The following GPD1L variants were observed in gnomAD, a reference collection of about 807,000 sequenced individuals.
The protein encoded by GPD1L is glycerol-3-phosphate dehydrogenase 1-like protein.
GPD1L carries 17 observed loss-of-function variants against 32.9 expected under a neutral mutation model. That is an observed-to-expected ratio of 0.52 (90% CI 0.35 to 0.78). GPD1L has a LOEUF of 0.78. Among genes scored for constraint, GPD1L ranks in the 30% least tolerant of loss-of-function variants. The probability of loss-of-function intolerance (pLI) is 0.01; values close to 1 mark genes in which losing one functional copy is unlikely to be tolerated. For missense variants in GPD1L, 361 were observed against 447.8 expected (o/e 0.81, Z 1.75); for synonymous variants, 187 against 165.9 (o/e 1.13, Z -0.98).
chr3:32,146,811 GCT>G, intron 5 of GPD1L, 77 bp downstream of exon 5: 2 of 853,366 alleles, frequency 2.3e-6, no homozygotes, highest in Non-Finnish European at 4.1e-6. Context: ...TCAAGAATGG[GCT>G]CTGTGTTCTG....
At chr3:32,158,649 C>T in intron 5 of GPD1L, 1 of 901,352 alleles carries the variant, frequency 1.1e-6, no homozygotes, top group African/African-American at 1.7e-5. Flanking sequence ...CAACTGCTGA[C>T]CCCAAATATG....
chr3:32,152,009 G>C (rs1700926281), intron 5 of GPD1L: 1 of 152,400 alleles, frequency 6.6e-6, no homozygotes, highest in Non-Finnish European at 1.5e-5. Context: ...TACAGGTTGA[G>C]TATCTCTTAT....
intron 5 of GPD1L, among the ~76,000 whole-genome samples, chr3:32,147,577 A>C (rs1356277898): frequency 6.6e-6 from 1 of 152,124 alleles, no homozygotes; most frequent in Non-Finnish European, 1.5e-5. Flanking sequence ...CCCCCTCACT[A>C]TCTAAGTTGC....
intron 5 of GPD1L, among the ~76,000 whole-genome samples, chr3:32,155,911 C>T (rs758017068): frequency 3.1e-4 from 47 of 152,258 alleles, no homozygotes; most frequent in Non-Finnish European, 5.4e-4. Flanking sequence ...TGCCGTGTAC[C>T]GCTTCCGTCT....
chr3:32,121,599 ATTTCT>A (rs1700417294), intron 1 of GPD1L, among the ~76,000 whole-genome samples: 3 of 129,414 alleles, frequency 2.3e-5, no homozygotes, highest in African/African-American at 9.3e-5. Flanking sequence ...CTATATATAT[ATTTCT>A]ATATATATTT....
chr3:32,147,096 G>A (rs1427120782), intron 5 of GPD1L, among the ~76,000 whole-genome samples: 1 of 152,192 alleles, frequency 6.6e-6, no homozygotes, highest in East Asian at 1.9e-4. Flanking sequence ...GCAGGAAAAG[G>A]AACTTGTTTC....
chr3:32,137,493 A>G (rs978236289), intron 2 of GPD1L, among the ~76,000 whole-genome samples: 2 of 152,214 alleles, frequency 1.3e-5, no homozygotes, highest in African/African-American at 2.4e-5. Context: ...GACATTTTCT[A>G]GAAGTCACAG....
At chr3:32,111,356 A>G (rs1700243321) in intron 1 of GPD1L, among the ~76,000 whole-genome samples, 1 of 152,160 alleles carries the variant, frequency 6.6e-6, no homozygotes, top group Non-Finnish European at 1.5e-5. Flanking sequence ...GAGCTTGGGA[A>G]TCTGACTGCC....
At chr3:32,126,320 A>G (rs1165705400) in intron 1 of GPD1L, among the ~76,000 whole-genome samples, 1 of 152,244 alleles carries the variant, frequency 6.6e-6, no homozygotes, top group African/African-American at 2.4e-5. Context: ...TAAAGGGGAA[A>G]GCAAGTGTAT....
chr3:32,158,963 G>C lies in GPD1L; in HGVS notation c.706G>C (p.Glu236Gln). ...KAAVIRLGLM[E>Q]MIAFARIFCK... is the part of the protein sequence containing the mutation. ...GGCCGTCATCCGCCTGGGACTCATG[G>C]AAATGATTGCTTTTGCCAGGATCTT... Residue 236 changes from glutamate to glutamine, a missense_variant, in exon 6 of 8, where the codon GAA (glutamate) becomes CAA (glutamine). Coordinates refer to ENST00000282541, the MANE Select transcript of GPD1L (RefSeq NM_015141.4). The C allele has an allele frequency of 6.2e-7, 1 of 1,614,156 alleles. No homozygotes were observed. The highest frequency in any genetic ancestry group is 8.5e-7 in the Non-Finnish European group (1 of 1,180,036).
intron 2 of GPD1L, among the ~76,000 whole-genome samples, chr3:32,131,875 TTCTTC>T (rs1438716945): frequency 9.2e-5 from 14 of 152,244 alleles, no homozygotes; most frequent in African/African-American, 3.4e-4. Context: ...ATGTTCCAGT[TTCTTC>T]ACATTCTCAC....
In GPD1L at chr3:32,150,380, T is replaced by G. The variant is rs371175480; in HGVS notation, c.618+3646T>G. ...AGGTCTTGTGTTCCTTGGCTCAAGC[T>G]GTTTTCCTGCCTCAGCCTCCCAAGT... On this transcript the variant is annotated intron_variant, in intron 5 of 7. Transcript: ENST00000282541. Among the ~76,000 whole-genome samples, 9 of 152,322 alleles carry G rather than the reference T, an allele frequency of 5.9e-5. 1 individual carries two copies. The South Asian group carries it at 1.5e-3, about 25-fold the overall frequency.
At chr3:32,165,579 T>C (rs1001558432) in intron 7 of GPD1L, among the ~76,000 whole-genome samples, 20 of 152,226 alleles carry the variant, frequency 1.3e-4, no homozygotes, top group Admixed American at 6.5e-5. Context: ...GACTTGGTTG[T>C]GGACAGTGTG....
chr3:32,107,706 G>C (rs1463990452), intron 1 of GPD1L, among the ~76,000 whole-genome samples: 1 of 152,070 alleles, frequency 6.6e-6, no homozygotes, highest in Non-Finnish European at 1.5e-5. Flanking sequence ...CTAGGTAGTT[G>C]GTCTTAGTTT....
intron 1 of GPD1L, among the ~76,000 whole-genome samples, chr3:32,121,972 T>C (rs954151747): frequency 5.0e-4 from 76 of 152,000 alleles, no homozygotes; most frequent in African/African-American, 1.6e-3. Context: ...TGTTTTACCA[T>C]GTTGGTCAGG....
At position 32,166,133 on chromosome 3, in the gene GPD1L, C is replaced by T; in HGVS notation, c.*223C>T. ...GCAAACATGTGAATGGTGGTTTATTCCTCATTCTGTGGATGTTTCTATGAG... is the reference window on the plus strand; with the variant it reads ...GCAAACATGTGAATGGTGGTTTATTTCTCATTCTGTGGATGTTTCTATGAG... On this transcript the variant is annotated 3_prime_UTR_variant, in exon 8 of 8. Transcript: ENST00000282541. 1 of 577,270 alleles carries T rather than the reference C, an allele frequency of 1.7e-6. No homozygotes were observed. Among genetic ancestry groups the T allele is most frequent in the Non-Finnish European group, 3.1e-6 (1 of 322,010 alleles). 35.8% of individuals were successfully genotyped at this position (577,270 alleles called of 1,614,324 possible).
chr3:32,165,777 G>A (rs1335569231), intron 7 of GPD1L, 37 bp from the exon 8 acceptor site: 2 of 1,061,804 alleles, frequency 1.9e-6, no homozygotes, highest in Admixed American at 3.4e-5. Context: ...TAAATCCAGT[G>A]GCCTAACTTT....
chr3:32,106,723 G>C lies in GPD1L; in HGVS notation c.12G>C (p.Ala4=). ...CATTCGGCCCGGCCATGGCAGCGGC[G>C]CCCCTGAAAGTGTGCATCGTGGGCT... The part of the protein sequence containing the change: MAA[A]PLKVCIVGSG... Residue 4 remains alanine, a synonymous_variant, in exon 1 of 8, where the codon GCG becomes GCC. Transcript: ENST00000282541. The surrounding 1 kb of genome is among the most constrained non-coding windows in gnomAD (Gnocchi z 4.0). 1 of 1,562,676 alleles carries C rather than the reference G, an allele frequency of 6.4e-7. No individual in the cohort carries two copies. The highest frequency in any genetic ancestry group is 8.7e-7 in the Non-Finnish European group (1 of 1,155,658).
intron 3 of GPD1L, 46 bp from the exon 4 acceptor site, chr3:32,140,180 CTT>C (rs1312556337): frequency 6.2e-7 from 1 of 1,610,326 alleles, no homozygotes; most frequent in African/African-American, 1.3e-5. Context: ...TCCCATGCCT[CTT>C]TGATTTGGCG....
Sources: allele counts gnomAD v4.1 joint callset (sites outside exome capture counted in the v4.1 genomes callset), GRCh38; gene constraint gnomAD v4.1.1; non-coding constraint Gnocchi (gnomAD v3.1); transcripts MANE v1.5; gene names NCBI Gene and HGNC (gene_info 2026-07-23, HGNC 2026-07-21).